Variants in GNAZ observed in about 807,000 individuals in gnomAD.
GNAZ encodes the protein guanine nucleotide-binding protein G(z) subunit alpha.
In GNAZ, 3 loss-of-function variants were observed where a neutral mutation model predicts 25.4. The observed-to-expected ratio is 0.12, with a 90% CI of 0.05 to 0.30. The LOEUF (loss-of-function observed/expected upper bound fraction) is 0.30. Ranked by LOEUF, GNAZ falls within the 10% of genes least tolerant of loss-of-function variation. GNAZ has a pLI of 1.00. For missense variants in GNAZ, 241 were observed against 501.8 expected (o/e 0.48, Z 4.97); for synonymous variants, 211 against 205.7 (o/e 1.03, Z -0.22).
intron 2 of GNAZ, among the ~76,000 whole-genome samples, chr22:23,119,944 G>A (rs972170760): frequency 2.6e-5 from 4 of 152,176 alleles, no homozygotes; most frequent in African/African-American, 9.7e-5. Context: ...AAGGAATAGA[G>A]GAAACCAGGA....
At chr22:23,083,124 A>G (rs546877951) in intron 1 of GNAZ, among the ~76,000 whole-genome samples, 2 of 152,294 alleles carry the variant, frequency 1.3e-5, no homozygotes, top group East Asian at 1.9e-4. Context: ...ACTGGAAACC[A>G]TACCAAAGGA....
chr22:23,118,677 G>A (rs2069923141), intron 2 of GNAZ, among the ~76,000 whole-genome samples: 1 of 152,234 alleles, frequency 6.6e-6, no homozygotes, highest in Non-Finnish European at 1.5e-5. Context: ...GGCAGAGGCA[G>A]CTCCTCTGAA....
intron 2 of GNAZ, among the ~76,000 whole-genome samples, chr22:23,119,237 C>T (rs1212898153): frequency 2.0e-5 from 3 of 152,344 alleles, no homozygotes; most frequent in East Asian, 1.9e-4. Flanking sequence ...AGGCAAGCAC[C>T]AGGGCCCAGG....
chr22:23,115,516 G>A (rs1481357909), intron 2 of GNAZ, among the ~76,000 whole-genome samples: 1 of 152,178 alleles, frequency 6.6e-6, no homozygotes, highest in Admixed American at 6.5e-5. Context: ...CCTCCTGGAG[G>A]GGGTCTCGGG....
At chr22:23,093,873 C>G (rs2069053066) in intron 1 of GNAZ, among the ~76,000 whole-genome samples, 1 of 152,156 alleles carries the variant, frequency 6.6e-6, no homozygotes, top group African/African-American at 2.4e-5. Flanking sequence ...CAGGAGAGAC[C>G]AGAACCTCTG....
chr22:23,124,010 A>C lies in GNAZ; in HGVS notation c.*579A>C, dbSNP rs2070105038. On this transcript the variant is annotated 3_prime_UTR_variant, in exon 3 of 3. Transcript: ENST00000615612. Reference sequence around the variant, plus strand: ...GGGACCTTAGGAGCCGGGTGACAGCACTAACCAGACCTCCAGCCACTCACA... The same window carrying C: ...GGGACCTTAGGAGCCGGGTGACAGCCCTAACCAGACCTCCAGCCACTCACA... The C allele has an allele frequency of 4.3e-6, 1 of 231,328 alleles. No individual in the cohort carries two copies. The highest frequency in any genetic ancestry group is 2.4e-5 in the African/African-American group (1 of 42,344). The allele number at this position is 231,328 out of a possible 1,614,324, so 14.3% of individuals were successfully genotyped here.
At chr22:23,111,046 G>T (rs956545195) in intron 2 of GNAZ, among the ~76,000 whole-genome samples, 2 of 152,212 alleles carry the variant, frequency 1.3e-5, no homozygotes, top group Non-Finnish European at 2.9e-5. Context: ...ATAGCACTGG[G>T]ATTCCAGCAG....
intron 1 of GNAZ, among the ~76,000 whole-genome samples, chr22:23,081,885 G>T (rs907069576): frequency 4.0e-5 from 6 of 151,482 alleles, no homozygotes; most frequent in South Asian, 2.1e-4. Context: ...CAGCACTTTG[G>T]GGGGCCGAGG....
intron 1 of GNAZ, among the ~76,000 whole-genome samples, chr22:23,093,017 A>C (rs1334171787): frequency 6.6e-6 from 1 of 152,084 alleles, no homozygotes; most frequent in Non-Finnish European, 1.5e-5. Context: ...ACCTTTCCAC[A>C]CCTAAGGGGC....
rs1239188686 is a variant in GNAZ, at chr22:23,095,423, A to G, written c.-273A>G. 5 of 456,656 alleles carry G rather than the reference A, an allele frequency of 1.1e-5. No individual in the cohort carries two copies. In the East Asian group the frequency reaches 1.9e-4, roughly 17 times the overall value. 28.3% of individuals were successfully genotyped at this position (456,656 alleles called of 1,614,324 possible). A position where few individuals can be genotyped will look rare whatever the true frequency, so the allele number is the denominator to read the frequency against. ...TTCCCACCGTCGCCGAGGACAGGGA[A>G]TGACTACGGCAAATCAGGCCACTTT... On this transcript the variant is annotated 5_prime_UTR_variant, in exon 2 of 3. It removes an upstream start codon present in the reference 5' UTR. Coordinates refer to ENST00000615612, the MANE Select transcript of GNAZ (RefSeq NM_002073.4).
intron 1 of GNAZ, among the ~76,000 whole-genome samples, chr22:23,087,752 G>T (rs916241043): frequency 6.6e-6 from 1 of 152,136 alleles, no homozygotes. Context: ...TTCCTGCTCA[G>T]TCAGTTCCTG....
rs368036183 is a variant in GNAZ at position 23,070,756 on chromosome 22, G to C, written c.-450+186G>C. The C allele has an allele frequency of 7.7e-3, 1,170 of 152,404 alleles. 12 individuals are homozygous for C. Among genetic ancestry groups the C allele is most frequent in the Non-Finnish European group, 0.013 (858 of 68,160 alleles). 9.4% of individuals were successfully genotyped at this position (152,404 alleles called of 1,614,324 possible). ...CACCAAGGGCGGGGACGCCTGCGAG[G>C]TGGGCAGGGGGCGGCCTCTGGTCGG... On this transcript the variant is annotated intron_variant, in intron 1 of 2. Transcript: ENST00000615612.
At chr22:23,091,905 C>T (rs1450352695) in intron 1 of GNAZ, among the ~76,000 whole-genome samples, 2 of 152,204 alleles carry the variant, frequency 1.3e-5, no homozygotes, top group Non-Finnish European at 2.9e-5. Flanking sequence ...TCCTTCAGTT[C>T]CCCTTTGTGT....
chr22:23,070,823 CG>C (rs2068346410), intron 1 of GNAZ: 1 of 152,034 alleles, frequency 6.6e-6, no homozygotes, highest in African/African-American at 2.4e-5. Context: ...CCGATGACCC[CG>C]CGGGAGGGGG....
At chr22:23,113,982 T>A (rs1450097043) in intron 2 of GNAZ, among the ~76,000 whole-genome samples, 1 of 152,128 alleles carries the variant, frequency 6.6e-6, no homozygotes, top group African/African-American at 2.4e-5. Flanking sequence ...CACCAAGGTG[T>A]CCCCAAGCTT....
Position 23,081,848 on chromosome 22 carries a change from A to G in GNAZ, c.-450+11278A>G, listed in dbSNP as rs1261641137. Among the ~76,000 whole-genome samples the G allele has an allele frequency of 2.6e-4, 34 of 132,422 alleles. No individual in the cohort carries two copies. The East Asian group carries it at 6.3e-3, about 25-fold the overall frequency. The allele number at this position is 132,422 out of a possible 152,430, so 86.9% of individuals were successfully genotyped here. ...AAAAAAAAAAAAAAAAAAAAAGGCC[A>G]GGCGCAGTGGCTCACGCCTGTAATC... On this transcript the variant is annotated intron_variant, in intron 1 of 2. Transcript: ENST00000615612.
In GNAZ at chr22:23,071,714, C is replaced by T. The variant is rs2068382004; in HGVS notation, c.-450+1144C>T. On this transcript the variant is annotated intron_variant, in intron 1 of 2. Coordinates refer to ENST00000615612, the MANE Select transcript of GNAZ (RefSeq NM_002073.4). This position sits in a 1 kb window ranked among gnomAD's most constrained non-coding sequence, Gnocchi z 4.1. ...CCCGCTTGAGTGCAGGTGCAGGGGC[C>T]TCGGGAGGGACCTCAGAGTGGTGTC... Among the ~76,000 whole-genome samples the T allele has an allele frequency of 6.6e-6, 1 of 152,158 alleles. No homozygotes were observed. Among genetic ancestry groups the T allele is most frequent in the East Asian group, 1.9e-4 (1 of 5,192 alleles).
In GNAZ at chr22:23,071,612, G is replaced by A. The variant is rs2068378133; in HGVS notation, c.-450+1042G>A. Among the ~76,000 whole-genome samples, 1 of 152,220 alleles carries A rather than the reference G, an allele frequency of 6.6e-6. No homozygotes were observed. The highest frequency in any genetic ancestry group is 2.1e-4 in the South Asian group (1 of 4,836). ...CCAGAGCTTGACGCTGGGGTGCACC[G>A]GGTGGGAGTGGACTGGGCCTGCCCT... On this transcript the variant is annotated intron_variant, in intron 1 of 2. Transcript: ENST00000615612. The surrounding 1 kb of genome is among the most constrained non-coding windows in gnomAD (Gnocchi z 4.1).
intron 1 of GNAZ, among the ~76,000 whole-genome samples, chr22:23,082,280 G>A (rs867750678): frequency 1.4e-4 from 21 of 150,074 alleles, no homozygotes; most frequent in South Asian, 6.6e-4. Context: ...GTAATGGCGC[G>A]ATCTCGGCTC....
Sources: allele counts gnomAD v4.1 joint callset (sites outside exome capture counted in the v4.1 genomes callset), GRCh38; gene constraint gnomAD v4.1.1; non-coding constraint Gnocchi (gnomAD v3.1); transcripts MANE v1.5; gene names NCBI Gene and HGNC (gene_info 2026-07-23, HGNC 2026-07-21).